CYB5R4: variants seen among roughly 807,000 people sequenced by gnomAD.
CYB5R4 encodes the protein cytochrome b5 reductase 4, also known as N-terminal cytochrome b5 and cytochrome b5 oxidoreductase domain-containing protein.
CYB5R4 carries 55 observed loss-of-function variants against 70.2 expected under a neutral mutation model. The observed-to-expected ratio is 0.78, with a 90% CI of 0.63 to 0.98. CYB5R4 has a LOEUF of 0.98. Among genes scored for constraint, CYB5R4 ranks in the 50% least tolerant of loss-of-function variants. The pLI is 0.00. For missense variants in CYB5R4, 562 were observed against 612.6 expected (o/e 0.92, Z 0.87); for synonymous variants, 197 against 199.5 (o/e 0.99, Z 0.11).
chr6:83,929,984 A>T lies in CYB5R4; in HGVS notation c.815-4611A>T, dbSNP rs61756886. Among the ~76,000 whole-genome samples, 620 of 152,220 alleles carry T rather than the reference A, an allele frequency of 4.1e-3. 5 individuals are homozygous for T. Among genetic ancestry groups the T allele is most frequent in the African/African-American group, 0.014 (594 of 41,532 alleles). Reference sequence around the variant, plus strand: ...GTATCACAATAAAGCAAGTCACACAATTTTTTTGGTTTCCCAGTGCATGTA... The same window carrying T: ...GTATCACAATAAAGCAAGTCACACATTTTTTTTGGTTTCCCAGTGCATGTA... On this transcript the variant is annotated intron_variant, in intron 10 of 15. Coordinates refer to ENST00000369681, the MANE Select transcript of CYB5R4 (RefSeq NM_016230.4).
At chr6:83,943,427 A>G (rs1406106322) in intron 14 of CYB5R4, among the ~76,000 whole-genome samples, 1 of 152,150 alleles carries the variant, frequency 6.6e-6, no homozygotes, top group Admixed American at 6.5e-5. Context: ...ACATCAAAAA[A>G]AAAAGGATGA....
At chr6:83,868,626 AAAAACTTGAATT>A (rs1355330304) in intron 2 of CYB5R4, among the ~76,000 whole-genome samples, 2 of 152,164 alleles carry the variant, frequency 1.3e-5, no homozygotes, top group African/African-American at 4.8e-5. Context: ...TGCTTTTTTA[AAAAACTTGAATT>A]TACCATTAAT....
At chr6:83,930,248 A>C (rs1486366453) in intron 10 of CYB5R4, among the ~76,000 whole-genome samples, 1 of 152,164 alleles carries the variant, frequency 6.6e-6, no homozygotes, top group African/African-American at 2.4e-5. Flanking sequence ...ATTTCTTAAG[A>C]AAAAATGAAG....
chr6:83,945,064 A>C (rs1046637636), intron 14 of CYB5R4, among the ~76,000 whole-genome samples: 16 of 152,208 alleles, frequency 1.1e-4, no homozygotes, highest in African/African-American at 3.9e-4. Context: ...TCAGCTCTGC[A>C]CCAAGCAGAC....
chr6:83,945,368 A>T, intron 14 of CYB5R4, among the ~76,000 whole-genome samples: 1 of 152,226 alleles, frequency 6.6e-6, no homozygotes, highest in East Asian at 1.9e-4. Context: ...GTTCTTTGAA[A>T]CCAATGAGAA....
intron 2 of CYB5R4, among the ~76,000 whole-genome samples, chr6:83,884,112 A>G (rs1435237238): frequency 3.3e-5 from 5 of 151,996 alleles, no homozygotes; most frequent in African/African-American, 1.2e-4. Flanking sequence ...AATTAAGTGT[A>G]AATGAATCGA....
At chr6:83,945,304 C>A (rs191420934) in intron 14 of CYB5R4, among the ~76,000 whole-genome samples, 1 of 152,300 alleles carries the variant, frequency 6.6e-6, no homozygotes, top group East Asian at 1.9e-4. Context: ...AACTGAACAA[C>A]CTGCTCTTGA....
chr6:83,861,106 G>C (rs1188137633), intron 1 of CYB5R4, among the ~76,000 whole-genome samples: 2 of 152,178 alleles, frequency 1.3e-5, no homozygotes, highest in African/African-American at 4.8e-5. Flanking sequence ...TTTCCAGAAA[G>C]AATCTCTGAA....
In CYB5R4 at chr6:83,965,168, A is replaced by G. The variant is rs1173405268; in HGVS notation, c.*5290A>G. 5 of 152,222 alleles carry G rather than the reference A, an allele frequency of 3.3e-5. No individual in the cohort carries two copies. The highest frequency in any genetic ancestry group is 1.2e-4 in the African/African-American group (5 of 41,452). 9.4% of individuals were successfully genotyped at this position (152,222 alleles called of 1,614,324 possible). A position where few individuals can be genotyped will look rare whatever the true frequency, so the allele number is the denominator to read the frequency against. On this transcript the variant is annotated 3_prime_UTR_variant, in exon 16 of 16. Coordinates refer to ENST00000369681, the MANE Select transcript of CYB5R4 (RefSeq NM_016230.4). ...CACCGCCTAGTGGAGCTGTGAGAAG[A>G]GGACCACTGTCCTCCAGACCCCAGA...
intron 12 of CYB5R4, 86 bp from the exon 13 acceptor site, chr6:83,939,970 T>G: frequency 3.3e-6 from 3 of 909,432 alleles, no homozygotes; most frequent in Non-Finnish European, 5.1e-6. Context: ...ATTCAGCTAG[T>G]TTTGGCTTCT....
At chr6:83,959,597 CATTT>C (rs1257172490) in intron 15 of CYB5R4, among the ~76,000 whole-genome samples, 1 of 151,936 alleles carries the variant, frequency 6.6e-6, no homozygotes, top group East Asian at 1.9e-4. Context: ...AAAATTATGA[CATTT>C]ATGAGCTAGT....
intron 2 of CYB5R4, among the ~76,000 whole-genome samples, chr6:83,879,023 G>C (rs2099459039): frequency 6.6e-6 from 1 of 152,056 alleles, no homozygotes; most frequent in South Asian, 2.1e-4. Flanking sequence ...TTATTACTTG[G>C]TGTAAGACTT....
intron 6 of CYB5R4, 68 bp downstream of exon 6, chr6:83,918,133 A>G (rs1360319296): frequency 3.3e-6 from 4 of 1,197,170 alleles, no homozygotes; most frequent in Non-Finnish European, 3.7e-6. Context: ...CATTTAAAAA[A>G]TAAAGTAGCT....
chr6:83,884,601 C>T (rs1399831051), intron 2 of CYB5R4, among the ~76,000 whole-genome samples: 10 of 152,178 alleles, frequency 6.6e-5, no homozygotes, highest in African/African-American at 1.9e-4. Context: ...CAGCAGTTGA[C>T]AGGAAGTAAT....
At chr6:83,940,270 A>G (rs1179492515) in intron 13 of CYB5R4, 64 bp downstream of exon 13, 2 of 1,432,890 alleles carry the variant, frequency 1.4e-6, no homozygotes, top group East Asian at 2.4e-5. Flanking sequence ...AAGGTATTCT[A>G]AATTGATTAC....
At chr6:83,903,443 C>G (rs1001061913) in intron 3 of CYB5R4, among the ~76,000 whole-genome samples, 1 of 151,782 alleles carries the variant, frequency 6.6e-6, no homozygotes, top group Non-Finnish European at 1.5e-5. Context: ...TGACATTTTT[C>G]CATTTATGTT....
chr6:83,939,715 A>G (rs1371159786), intron 12 of CYB5R4, among the ~76,000 whole-genome samples: 1 of 152,210 alleles, frequency 6.6e-6, no homozygotes, highest in Non-Finnish European at 1.5e-5. Context: ...TTTAGCAATC[A>G]ATCCTTTATT....
At chr6:83,896,748 A>G (rs1245315953) in intron 3 of CYB5R4, among the ~76,000 whole-genome samples, 1 of 152,154 alleles carries the variant, frequency 6.6e-6, no homozygotes, top group East Asian at 1.9e-4. Context: ...AAATGCAGGT[A>G]TCTCTTTGAT....
At chr6:83,904,215 C>T (rs898214191) in intron 3 of CYB5R4, among the ~76,000 whole-genome samples, 2 of 152,028 alleles carry the variant, frequency 1.3e-5, no homozygotes, top group Non-Finnish European at 2.9e-5. Context: ...TTTTGCTATT[C>T]CACAGGTTTT....
Sources: gnomAD v4.1 joint callset for allele counts (sites outside exome capture counted in the v4.1 genomes callset) on GRCh38, gnomAD v4.1.1 for gene constraint, MANE v1.5 for transcripts, NCBI Gene and HGNC (gene_info 2026-07-23, HGNC 2026-07-21) for gene names.